NEMP2: variants seen among roughly 807,000 people sequenced by gnomAD.
The protein encoded by NEMP2 is nuclear envelope integral membrane protein 2.
In NEMP2, 53 loss-of-function variants were observed where a neutral mutation model predicts 54.2. The observed-to-expected ratio is 0.98, with a 90% confidence interval of 0.78 to 1.23. The LOEUF (loss-of-function observed/expected upper bound fraction) is 1.23, where lower values mean the gene tolerates loss of function less well. Ranked by LOEUF, NEMP2 falls within the 50% of genes most tolerant of loss-of-function variation. NEMP2 has a pLI of 0.00. For missense variants in NEMP2, 455 were observed against 511.3 expected (o/e 0.89, Z 1.06); for synonymous variants, 197 against 190.3 (o/e 1.04, Z -0.29).
chr2:190,558,904 A>G, the NEMP2 span, among the ~76,000 whole-genome samples: 4 of 152,246 alleles, frequency 2.6e-5, no homozygotes, highest in Non-Finnish European at 5.9e-5. The surrounding 1 kb of genome is among the most constrained non-coding windows in gnomAD (Gnocchi z 4.4). Context: ...ATATGTGTAT[A>G]TATGAATATT....
At chr2:190,628,751 A>C in the NEMP2 span, 1 of 152,232 alleles carries the variant, frequency 6.6e-6, no homozygotes, top group Non-Finnish European at 1.5e-5. The surrounding 1 kb of genome is among the most constrained non-coding windows in gnomAD (Gnocchi z 4.1). Flanking sequence ...AAGAAAAATA[A>C]ATCTACAGTG....
chr2:190,496,119 T>C, the NEMP2 span, among the ~76,000 whole-genome samples: 2 of 151,202 alleles, frequency 1.3e-5, no homozygotes, highest in African/African-American at 4.9e-5. The surrounding 1 kb of genome is among the most constrained non-coding windows in gnomAD (Gnocchi z 4.7). Flanking sequence ...CCAGAATCTA[T>C]GACGAACTCA....
the NEMP2 span, among the ~76,000 whole-genome samples, chr2:190,443,918 G>A: frequency 1.3e-5 from 2 of 152,180 alleles, no homozygotes; most frequent in Non-Finnish European, 2.9e-5. This position sits in a 1 kb window ranked among gnomAD's most constrained non-coding sequence, Gnocchi z 4.2. Context: ...TGGGCATGGT[G>A]TCACACGCCT....
the NEMP2 span, among the ~76,000 whole-genome samples, chr2:190,464,436 C>T: frequency 6.6e-6 from 1 of 152,188 alleles, no homozygotes; most frequent in African/African-American, 2.4e-5. Flanking sequence ...TTGCTGCTCA[C>T]ACCCTGTGTT....
chr2:190,461,324 A>G, the NEMP2 span, among the ~76,000 whole-genome samples: 1 of 152,244 alleles, frequency 6.6e-6, no homozygotes, highest in Non-Finnish European at 1.5e-5. The surrounding 1 kb of genome is among the most constrained non-coding windows in gnomAD (Gnocchi z 5.5). Flanking sequence ...AAAGGTATTT[A>G]GTAAAGTCTC....
chr2:190,436,374 C>G, the NEMP2 span: 2 of 1,614,214 alleles, frequency 1.2e-6, no homozygotes, highest in Non-Finnish European at 1.7e-6. This position sits in a 1 kb window ranked among gnomAD's most constrained non-coding sequence, Gnocchi z 5.3. Flanking sequence ...TCATTGAATT[C>G]TGCAGTGCCC....
Position 190,512,779 on chromosome 2 carries a change from C to G in NEMP2, c.953+1674G>C, listed in dbSNP as rs1442190631. Among the ~76,000 whole-genome samples the G allele has an allele frequency of 6.6e-6, 1 of 152,152 alleles. No homozygotes were observed. Among genetic ancestry groups the G allele is most frequent in the East Asian group, 1.9e-4 (1 of 5,190 alleles). On this transcript the variant is annotated intron_variant, in intron 7 of 8. Coordinates refer to ENST00000409150, the MANE Select transcript of NEMP2 (RefSeq NM_001142645.2). This position sits in a 1 kb window ranked among gnomAD's most constrained non-coding sequence, Gnocchi z 4.5. ...GTTCCGAGTCACTGTTTGCCTCGGG[C>G]AGATGGGGCAAAGAGAGACCCAGTC...
the NEMP2 span, among the ~76,000 whole-genome samples, chr2:190,594,481 G>A: frequency 1.5e-4 from 23 of 152,298 alleles, no homozygotes; most frequent in African/African-American, 5.3e-4. The surrounding 1 kb of genome is among the most constrained non-coding windows in gnomAD (Gnocchi z 5.6). Context: ...TTAATGGAAA[G>A]GTTTGATCTC....
At chr2:190,423,379 A>G in the NEMP2 span, among the ~76,000 whole-genome samples, 1 of 152,232 alleles carries the variant, frequency 6.6e-6, no homozygotes, top group African/African-American at 2.4e-5. The surrounding 1 kb of genome is among the most constrained non-coding windows in gnomAD (Gnocchi z 4.3). Flanking sequence ...GAATAGAATC[A>G]TACAGTATGT....
rs140137629 is a variant in NEMP2 at position 190,525,773 on chromosome 2, T to C, written c.98-395A>G. On this transcript the variant is annotated intron_variant, in intron 1 of 8. Transcript: ENST00000409150. The surrounding 1 kb of genome is among the most constrained non-coding windows in gnomAD (Gnocchi z 5.0). ...GCAGAACCAGCAAGTATGTACAGAATCATGAAAATGAGATAAATTATGGAA... is the reference window on the plus strand; with the variant it reads ...GCAGAACCAGCAAGTATGTACAGAACCATGAAAATGAGATAAATTATGGAA... Among the ~76,000 whole-genome samples the C allele has an allele frequency of 5.9e-3, 900 of 152,168 alleles. 13 individuals carry two copies. Among genetic ancestry groups the C allele is most frequent in the African/African-American group, 0.019 (803 of 41,504 alleles).
In NEMP2 at chr2:190,522,100, C is replaced by CT. The variant is rs570774633; in HGVS notation, c.214-2918dup. Among the ~76,000 whole-genome samples, 3 of 152,228 alleles carry CT rather than the reference C, an allele frequency of 2.0e-5. No homozygotes were observed. The highest frequency in any genetic ancestry group is 4.2e-4 in the South Asian group (2 of 4,818). On this transcript the variant is annotated intron_variant, in intron 2 of 8. Transcript: ENST00000409150. This position sits in a 1 kb window ranked among gnomAD's most constrained non-coding sequence, Gnocchi z 5.0. The stretch of plus-strand genomic sequence containing the variant: ...AATAGAGGGAGGAGGGAAAGTGACA[C>CT]TTATCTGAAAATACCTTTGTATAGA...
At chr2:190,564,648 C>A in the NEMP2 span, among the ~76,000 whole-genome samples, 1 of 152,172 alleles carries the variant, frequency 6.6e-6, no homozygotes, top group South Asian at 2.1e-4. This position sits in a 1 kb window ranked among gnomAD's most constrained non-coding sequence, Gnocchi z 4.2. Flanking sequence ...ACGTAAAAAT[C>A]TCCACATATA....
At chr2:190,570,025 C>G in the NEMP2 span, among the ~76,000 whole-genome samples, 2 of 152,204 alleles carry the variant, frequency 1.3e-5, no homozygotes, top group Non-Finnish European at 2.9e-5. The surrounding 1 kb of genome is among the most constrained non-coding windows in gnomAD (Gnocchi z 5.4). Flanking sequence ...ATCCCCACAG[C>G]TCTTGGGGTA....
At chr2:190,628,345 G>GC in the NEMP2 span, 2 of 152,130 alleles carry the variant, frequency 1.3e-5, no homozygotes, top group African/African-American at 4.8e-5. This position sits in a 1 kb window ranked among gnomAD's most constrained non-coding sequence, Gnocchi z 4.1. Context: ...CACAGAGAGG[G>GC]GTCTGATGGA....
At chr2:190,547,689 C>T in the NEMP2 span, among the ~76,000 whole-genome samples, 5 of 146,186 alleles carry the variant, frequency 3.4e-5, no homozygotes, top group Non-Finnish European at 7.7e-5. The surrounding 1 kb of genome is among the most constrained non-coding windows in gnomAD (Gnocchi z 6.2). Flanking sequence ...CCACACCCAG[C>T]TAATTTTTTT....
At chr2:190,586,326 C>T in the NEMP2 span, among the ~76,000 whole-genome samples, 3 of 152,030 alleles carry the variant, frequency 2.0e-5, no homozygotes, top group African/African-American at 4.8e-5. This position sits in a 1 kb window ranked among gnomAD's most constrained non-coding sequence, Gnocchi z 4.5. Context: ...AAGTCAGTTT[C>T]GTTTTGGTTT....
chr2:190,511,073 A>G (rs1397184127), intron 7 of NEMP2, among the ~76,000 whole-genome samples: 1 of 152,162 alleles, frequency 6.6e-6, no homozygotes, highest in Admixed American at 6.5e-5. Context: ...GTCCTAAGGT[A>G]TTTGAGAATC....
At chr2:190,572,409 T>G in the NEMP2 span, among the ~76,000 whole-genome samples, 1 of 152,098 alleles carries the variant, frequency 6.6e-6, no homozygotes, top group African/African-American at 2.4e-5. Flanking sequence ...TGGGCAAAAC[T>G]GGGAAGTTAC....
rs1052723250 is a variant in NEMP2, at chr2:190,509,704, A to G, written c.1131-392T>C. Among the ~76,000 whole-genome samples, 1 of 152,240 alleles carries G rather than the reference A, an allele frequency of 6.6e-6. No individual in the cohort carries two copies. Among genetic ancestry groups the G allele is most frequent in the African/African-American group, 2.4e-5 (1 of 41,464 alleles). On this transcript the variant is annotated intron_variant, in intron 8 of 8. Coordinates refer to ENST00000409150, the MANE Select transcript of NEMP2 (RefSeq NM_001142645.2). This position sits in a 1 kb window ranked among gnomAD's most constrained non-coding sequence, Gnocchi z 6.1. ...AAGTTATGAGGAAGAGAAAGCAATA[A>G]GGAAAAATTTTGGGACAGACGTCTT...
Sources: allele counts gnomAD v4.1 joint callset (sites outside exome capture counted in the v4.1 genomes callset), GRCh38; gene constraint gnomAD v4.1.1; non-coding constraint Gnocchi (gnomAD v3.1); transcripts MANE v1.5; gene names NCBI Gene and HGNC (gene_info 2026-07-23, HGNC 2026-07-21).